Variants in ATXN1 observed in about 807,000 individuals in gnomAD.
ATXN1 encodes ataxin 1, also known as ataxin-1.
ATXN1 carries 8 observed loss-of-function variants against 56.4 expected under a neutral mutation model. That is an observed-to-expected ratio of 0.14 (90% CI 0.08 to 0.26). ATXN1 has a LOEUF of 0.26. Among genes scored for constraint, ATXN1 ranks in the 10% least tolerant of loss-of-function variants. The pLI is 1.00. For missense variants in ATXN1, 987 were observed against 1,106.5 expected (o/e 0.89, Z 1.53); for synonymous variants, 514 against 494.6 (o/e 1.04, Z -0.52).
At chr6:16,412,463 A>G (rs1183634214) in intron 6 of ATXN1, among the ~76,000 whole-genome samples, 1 of 152,204 alleles carries the variant, frequency 6.6e-6, no homozygotes, top group East Asian at 1.9e-4. Context: ...TCTTTCCAAA[A>G]GAAACCAAAC....
At chr6:16,350,986 A>G (rs1236755269) in intron 6 of ATXN1, among the ~76,000 whole-genome samples, 1 of 152,170 alleles carries the variant, frequency 6.6e-6, no homozygotes, top group Non-Finnish European at 1.5e-5. Context: ...TGGGAGGCTG[A>G]GGTGGGAGGA....
Position 16,326,908 on chromosome 6 carries a change from T to C in ATXN1, c.1403A>G (p.Gln468Arg). Residue 468 changes from glutamine to arginine, a missense_variant, in exon 7 of 8, where the codon CAG becomes CGG. Around this residue, in one of 3 missense-constraint regions of ATXN1, gnomAD observed 723 missense variants for 791.7 expected, o/e 0.91. Transcript: ENST00000436367. The surrounding 1 kb of genome is among the most constrained non-coding windows in gnomAD (Gnocchi z 6.6). ...QPPVIGYLSG[Q>R]QQAITYAGSL... ...GCCGGCGTAGGTGATTGCTTGCTGC[T>C]GGCCGCTCAGGTAGCCGATGACAGG... 6.2e-7 allele frequency: 1 copy of C among 1,613,450 alleles called. No homozygotes were observed. The highest frequency in any genetic ancestry group is 1.1e-5 in the South Asian group (1 of 91,070).
chr6:16,623,514 C>G (rs1056498208), intron 3 of ATXN1, among the ~76,000 whole-genome samples: 4 of 152,202 alleles, frequency 2.6e-5, no homozygotes, highest in African/African-American at 9.7e-5. Context: ...TCATCACAAT[C>G]AACTACGCAA....
chr6:16,356,529 A>G (rs1452729425), intron 6 of ATXN1, among the ~76,000 whole-genome samples: 1 of 152,202 alleles, frequency 6.6e-6, no homozygotes, highest in African/African-American at 2.4e-5. Flanking sequence ...TATTTTCCCC[A>G]CAGTGTTTTT....
rs1210057205 is a variant in ATXN1 at position 16,300,888 on chromosome 6, G to A, written c.*5441C>T. 2.0e-5 allele frequency: 3 copies of A among 152,648 alleles called. No homozygotes were observed. Among genetic ancestry groups the A allele is most frequent in the Non-Finnish European group, 4.4e-5 (3 of 68,044 alleles). 9.5% of individuals were successfully genotyped at this position (152,648 alleles called of 1,614,324 possible). A position where few individuals can be genotyped will look rare whatever the true frequency, so the allele number is the denominator to read the frequency against. On this transcript the variant is annotated 3_prime_UTR_variant, in exon 8 of 8. Coordinates refer to ENST00000436367, the MANE Select transcript of ATXN1 (RefSeq NM_001128164.2). Reference sequence around the variant, plus strand: ...AGTACTTTCAGCATAGGAATGAACAGTATTCTCAAATCGCAGAATACCGAG... The same window carrying A: ...AGTACTTTCAGCATAGGAATGAACAATATTCTCAAATCGCAGAATACCGAG...
chr6:16,656,406 G>C (rs1168297204), intron 3 of ATXN1, among the ~76,000 whole-genome samples: 3 of 152,180 alleles, frequency 2.0e-5, no homozygotes, highest in Non-Finnish European at 4.4e-5. Context: ...AAGATGATGA[G>C]CAAGTTCTCC....
chr6:16,403,383 C>T (rs1374556552), intron 6 of ATXN1, among the ~76,000 whole-genome samples: 1 of 152,204 alleles, frequency 6.6e-6, no homozygotes, highest in Non-Finnish European at 1.5e-5. Context: ...CAGGGTCTCA[C>T]TTTGTCACTC....
chr6:16,578,744 GAAA>G (rs11390101), intron 4 of ATXN1, among the ~76,000 whole-genome samples: 100 of 141,852 alleles, frequency 7.0e-4, no homozygotes, highest in African/African-American at 2.3e-3. Flanking sequence ...AGGAAAAAGA[GAAA>G]AAAAAAAAAA....
Position 16,746,550 on chromosome 6 carries a change from T to C in ATXN1, c.-615+6683A>G, listed in dbSNP as rs141144985. ...GCTTCTGCACTCCTCTTGCAAAAAA[T>C]AATCCCACAATCAGCTGAAAGATTC... On this transcript the variant is annotated intron_variant, in intron 2 of 7. Transcript: ENST00000436367. Among the ~76,000 whole-genome samples, 8 of 152,278 alleles carry C rather than the reference T, an allele frequency of 5.3e-5. No individual in the cohort carries two copies. The East Asian group carries it at 1.5e-3, about 29-fold the overall frequency.
At chr6:16,591,624 T>G (rs1413040910) in intron 3 of ATXN1, among the ~76,000 whole-genome samples, 1 of 152,206 alleles carries the variant, frequency 6.6e-6, no homozygotes, top group East Asian at 1.9e-4. Context: ...CATGCTCCCA[T>G]ACATATTGTA....
intron 5 of ATXN1, among the ~76,000 whole-genome samples, chr6:16,501,130 C>T (rs1423564999): frequency 1.3e-5 from 2 of 152,226 alleles, no homozygotes; most frequent in Non-Finnish European, 2.9e-5. Context: ...TGCACGCATG[C>T]ACACATGCAT....
chr6:16,405,654 A>G (rs925833272), intron 6 of ATXN1, among the ~76,000 whole-genome samples: 1 of 152,216 alleles, frequency 6.6e-6, no homozygotes, highest in Non-Finnish European at 1.5e-5. Context: ...CGGCCGAAGC[A>G]TCCAAATTCC....
At position 16,459,552 on chromosome 6, in the gene ATXN1, C is replaced by A. The variant is rs1021073472; in HGVS notation, c.-161+26420G>T. On this transcript the variant is annotated intron_variant, in intron 6 of 7. Coordinates refer to ENST00000436367, the MANE Select transcript of ATXN1 (RefSeq NM_001128164.2). ...CCTCTATATCCGGTTGTACCCAACC[C>A]CTATACCCTGCTCTCTCAAATACCA... Among the ~76,000 whole-genome samples the A allele has an allele frequency of 3.3e-5, 5 of 152,162 alleles. No individual in the cohort carries two copies. In the East Asian group the frequency reaches 9.6e-4, roughly 29 times the overall value.
At chr6:16,594,215 T>C (rs1762775116) in intron 3 of ATXN1, among the ~76,000 whole-genome samples, 2 of 150,778 alleles carry the variant, frequency 1.3e-5, no homozygotes, top group Non-Finnish European at 3.0e-5. Context: ...CGTTTTTTTT[T>C]CTATTAGAAA....
At position 16,517,545 on chromosome 6, in the gene ATXN1, A is replaced by C. The variant is rs557650512; in HGVS notation, c.-299+5082T>G. Among the ~76,000 whole-genome samples, 9 of 152,362 alleles carry C rather than the reference A, an allele frequency of 5.9e-5. No individual in the cohort carries two copies. In the South Asian group the frequency reaches 1.9e-3, roughly 32 times the overall value. ...TAATATTATCATATACTGAGCACCTACTACATGGCAGATATTAGAGGAACA... is the reference window on the plus strand; with the variant it reads ...TAATATTATCATATACTGAGCACCTCCTACATGGCAGATATTAGAGGAACA... On this transcript the variant is annotated intron_variant, in intron 5 of 7. Transcript: ENST00000436367.
chr6:16,740,166 A>G (rs1481467510), intron 2 of ATXN1, among the ~76,000 whole-genome samples: 23 of 152,218 alleles, frequency 1.5e-4, no homozygotes, highest in Non-Finnish European at 1.8e-4. Context: ...GTCACCAGCA[A>G]ACTACTTCTG....
At position 16,676,216 on chromosome 6, in the gene ATXN1, C is replaced by T. The variant is rs545773818; in HGVS notation, c.-614-18315G>A. Among the ~76,000 whole-genome samples, 10 of 152,316 alleles carry T rather than the reference C, an allele frequency of 6.6e-5. No individual in the cohort carries two copies. In the East Asian group the frequency reaches 1.7e-3, roughly 26 times the overall value. ...AGATTTCTAAAAGATAATTCACTAA[C>T]TTACATTCACCCTTTTACATGGCTA... On this transcript the variant is annotated intron_variant, in intron 2 of 7. Transcript: ENST00000436367.
chr6:16,336,254 A>C (rs1761120707), intron 6 of ATXN1, among the ~76,000 whole-genome samples: 1 of 152,116 alleles, frequency 6.6e-6, no homozygotes, highest in Admixed American at 6.5e-5. Context: ...TGCGGGTTAC[A>C]CTCACCTCCT....
At chr6:16,523,778 G>A (rs1581819822) in intron 4 of ATXN1, among the ~76,000 whole-genome samples, 3 of 152,156 alleles carry the variant, frequency 2.0e-5, no homozygotes, top group Admixed American at 6.5e-5. Flanking sequence ...ATACTGACGG[G>A]CCAAACAAAG....
Sources: allele counts gnomAD v4.1 joint callset (sites outside exome capture counted in the v4.1 genomes callset), GRCh38; gene constraint gnomAD v4.1.1; regional missense constraint gnomAD v4.1.1; non-coding constraint Gnocchi (gnomAD v3.1); transcripts MANE v1.5; gene names NCBI Gene and HGNC (gene_info 2026-07-23, HGNC 2026-07-21).